The following CRTAP variants were observed in gnomAD, a reference collection of about 807,000 sequenced individuals.
CRTAP encodes cartilage associated protein, also known as cartilage-associated protein.
CRTAP carries 33 observed loss-of-function variants against 42.7 expected under a neutral mutation model. That is an observed-to-expected ratio of 0.77 (90% CI 0.59 to 1.03). The LOEUF is 1.03. Ranked by LOEUF, CRTAP falls within the 50% of genes least tolerant of loss-of-function variation. The pLI is 0.00. For synonymous variants in CRTAP, 243 were observed against 217.7 expected, an observed-to-expected ratio of 1.12 and a Z score of -1.02; for missense variants, 613 against 533.9, an observed-to-expected ratio of 1.15 and a Z score of -1.46.
Position 33,143,167 on chromosome 3 carries a change from A to G in CRTAP, c.*719A>G, listed in dbSNP as rs2030628105. On this transcript the variant is annotated 3_prime_UTR_variant, in exon 7 of 7. Transcript: ENST00000320954. ...AAGAAAAACATTCCTAGAAGATGATAATTGTGAAAACCTCCTTTGGCTTAT... is the reference window on the plus strand; with the variant it reads ...AAGAAAAACATTCCTAGAAGATGATGATTGTGAAAACCTCCTTTGGCTTAT... 6.6e-6 allele frequency: 1 copy of G among 152,234 alleles called. No homozygotes were observed. 9.4% of individuals were successfully genotyped at this position (152,234 alleles called of 1,614,324 possible). A position where few individuals can be genotyped will look rare whatever the true frequency, so the allele number is the denominator to read the frequency against.
chr3:33,139,806 A>C (rs985384279), intron 6 of CRTAP, among the ~76,000 whole-genome samples: 1 of 152,172 alleles, frequency 6.6e-6, no homozygotes, highest in Non-Finnish European at 1.5e-5. Flanking sequence ...ATTTGTGTTG[A>C]ATTTTGTCAA....
At chr3:33,119,999 C>T (rs1253003773) in intron 1 of CRTAP, among the ~76,000 whole-genome samples, 1 of 152,194 alleles carries the variant, frequency 6.6e-6, no homozygotes, top group Non-Finnish European at 1.5e-5. Context: ...CTCTTCCCTT[C>T]CTCAGTCATC....
intron 6 of CRTAP, among the ~76,000 whole-genome samples, chr3:33,134,790 A>C (rs1284080053): frequency 6.6e-6 from 1 of 152,152 alleles, no homozygotes; most frequent in Non-Finnish European, 1.5e-5. Flanking sequence ...GTCACAGAAA[A>C]GCCATCATTA....
chr3:33,133,918 T>A (rs1405622667), intron 5 of CRTAP, among the ~76,000 whole-genome samples: 2 of 152,238 alleles, frequency 1.3e-5, no homozygotes. Context: ...TATGCCATCT[T>A]GATTTTCATA....
chr3:33,132,808 G>A (rs1001682082), intron 5 of CRTAP, 108 bp downstream of exon 5: 8 of 1,326,820 alleles, frequency 6.0e-6, no homozygotes, highest in African/African-American at 1.4e-5. Flanking sequence ...GGCTGGGCGC[G>A]GTGACTCATG....
intron 6 of CRTAP, among the ~76,000 whole-genome samples, chr3:33,141,313 C>G (rs938568099): frequency 6.6e-6 from 1 of 152,206 alleles, no homozygotes; most frequent in Admixed American, 6.5e-5. Flanking sequence ...CATAATCCCT[C>G]TACTATGCTG....
intron 6 of CRTAP, among the ~76,000 whole-genome samples, chr3:33,141,093 G>A (rs780578132): frequency 6.6e-6 from 1 of 152,198 alleles, no homozygotes; most frequent in Non-Finnish European, 1.5e-5. Flanking sequence ...CCTCACAGGA[G>A]TTGGGGATGA....
In CRTAP at chr3:33,124,538, G is replaced by A. The variant is rs751763588; in HGVS notation, c.752G>A (p.Arg251Lys). 1 of 1,614,222 alleles carries A rather than the reference G, an allele frequency of 6.2e-7. No individual in the cohort carries two copies. Among genetic ancestry groups the A allele is most frequent in the East Asian group, 2.2e-5 (1 of 44,890 alleles). The change falls in exon 3 of 7, where the codon AGG becomes AAG. Residue 251 changes from arginine to lysine, a missense_variant. Coordinates refer to ENST00000320954, the MANE Select transcript of CRTAP (RefSeq NM_006371.5). ...TGTCTCGCAGCCTGCGAGGGTTCCAGGGAGATCAAGGACTTCAAGGATTTC... is the reference window on the plus strand; with the variant it reads ...TGTCTCGCAGCCTGCGAGGGTTCCAAGGAGATCAAGGACTTCAAGGATTTC... ...YECLAACEGSREIKDFKDFYL... is the reference protein window; with the variant it reads ...YECLAACEGSKEIKDFKDFYL...
chr3:33,124,024 A>G (rs941232927), intron 2 of CRTAP, among the ~76,000 whole-genome samples: 3 of 152,234 alleles, frequency 2.0e-5, no homozygotes, highest in Non-Finnish European at 2.9e-5. Context: ...TGTAACTGCC[A>G]TCATAGTTAC....
intron 2 of CRTAP, among the ~76,000 whole-genome samples, chr3:33,122,709 CAAAAA>C (rs58820155): frequency 1.3e-4 from 11 of 87,522 alleles, no homozygotes; most frequent in Admixed American, 1.3e-4. Flanking sequence ...GACTCTGTCT[CAAAAA>C]AAAAAAAAAA....
In CRTAP at chr3:33,126,111, C is replaced by T. The variant is rs72857468; in HGVS notation, c.793+1532C>T. 4.8e-3 allele frequency among the ~76,000 whole-genome samples: 726 copies of T among 152,292 alleles called. 12 individuals are homozygous for T. Among genetic ancestry groups the T allele is most frequent in the African/African-American group, 0.016 (667 of 41,564 alleles). ...TTTCCCCAAATTGAAACTCTGTATG[C>T]GATAACTCCCCATATCCCCTTCCCC... is the stretch of plus-strand genomic sequence containing the variant. On this transcript the variant is annotated intron_variant, in intron 3 of 6. Transcript: ENST00000320954.
intron 6 of CRTAP, 123 bp downstream of exon 6, chr3:33,134,388 C>T (rs2030362485): frequency 1.1e-5 from 8 of 737,486 alleles, no homozygotes; most frequent in African/African-American, 5.2e-5. Flanking sequence ...TTGAGAAAGA[C>T]AGTTCCTGTG....
intron 3 of CRTAP, among the ~76,000 whole-genome samples, chr3:33,127,511 G>A (rs570963695): frequency 5.9e-5 from 9 of 152,098 alleles, no homozygotes; most frequent in African/African-American, 1.4e-4. Context: ...GCAACGGCGC[G>A]ATCTCGGCTC....
Position 33,142,909 on chromosome 3 carries a change from C to CCTG in CRTAP, c.*461_*462insCTG. 1 of 200,514 alleles carries CCTG rather than the reference C, an allele frequency of 5.0e-6. No individual in the cohort carries two copies. The highest frequency in any genetic ancestry group is 1.0e-5 in the Non-Finnish European group (1 of 96,492). 12.4% of individuals were successfully genotyped at this position (200,514 alleles called of 1,614,324 possible). On this transcript the variant is annotated 3_prime_UTR_variant, in exon 7 of 7. Coordinates refer to ENST00000320954, the MANE Select transcript of CRTAP (RefSeq NM_006371.5). ...CTTCAGATGATCCATCTGCCTTGGC[C>CCTG]TCCCACAGTGCTGGGATTACAGGCG...
intron 2 of CRTAP, 53 bp from the exon 3 acceptor site, chr3:33,124,355 T>C (rs2029990493): frequency 1.2e-6 from 2 of 1,609,652 alleles, no homozygotes; most frequent in Non-Finnish European, 1.7e-6. Context: ...ATTTCATGAC[T>C]GTCTCCCTTC....
At chr3:33,138,239 A>G (rs764974584) in intron 6 of CRTAP, among the ~76,000 whole-genome samples, 5 of 152,086 alleles carry the variant, frequency 3.3e-5, no homozygotes, top group African/African-American at 7.2e-5. Context: ...GGTCCTGTAC[A>G]TTTCCATATG....
In CRTAP at chr3:33,130,073, T is replaced by C; in HGVS notation, c.922+6T>C. 1.2e-6 allele frequency: 2 copies of C among 1,612,996 alleles called. No homozygotes were observed. Among genetic ancestry groups the C allele is most frequent in the East Asian group, 4.5e-5 (2 of 44,840 alleles). On this transcript the variant is annotated splice_donor_region_variant and intron_variant, in intron 4 of 6. Transcript: ENST00000320954. Reference sequence around the variant, plus strand: ...GCAGTTTGCCTATTATAAGTGTAAGTAATCTTCTGTGACATCTTGGGTGAG... The same window carrying C: ...GCAGTTTGCCTATTATAAGTGTAAGCAATCTTCTGTGACATCTTGGGTGAG...
chr3:33,136,579 C>T (rs2030424050), intron 6 of CRTAP, among the ~76,000 whole-genome samples: 1 of 152,120 alleles, frequency 6.6e-6, no homozygotes, highest in African/African-American at 2.4e-5. Context: ...TCTGTCTCTA[C>T]AGAAAATTTA....
chr3:33,130,120 G>C, intron 4 of CRTAP, 53 bp downstream of exon 4: 1 of 1,549,778 alleles, frequency 6.5e-7, no homozygotes, highest in Non-Finnish European at 8.9e-7. Flanking sequence ...TTCTAAGACT[G>C]TAAAATAGAG....
Sources: gnomAD v4.1 joint callset for allele counts (sites outside exome capture counted in the v4.1 genomes callset) on GRCh38, gnomAD v4.1.1 for gene constraint, MANE v1.5 for transcripts, NCBI Gene and HGNC (gene_info 2026-07-23, HGNC 2026-07-21) for gene names.